PPP1R14C: variants seen among roughly 807,000 people sequenced by gnomAD.
PPP1R14C encodes the protein protein phosphatase 1 regulatory subunit 14C.
A neutral mutation model predicts 20.4 loss-of-function variants in PPP1R14C; 16 were observed. The ratio of observed to expected loss-of-function variants is 0.78; its 90% CI spans 0.53 to 1.19. The LOEUF is 1.19. Among genes scored for constraint, PPP1R14C ranks in the 50% most tolerant of loss-of-function variants. The pLI, the probability that PPP1R14C is intolerant of heterozygous loss-of-function variation, is 0.00. For missense variants in PPP1R14C, 211 were observed against 220.1 expected (o/e 0.96, Z 0.26); for synonymous variants, 91 against 91.0 (o/e 1.00, Z 0.00).
chr6:150,157,201 T>C (rs540081670), intron 1 of PPP1R14C, among the ~76,000 whole-genome samples: 29 of 152,328 alleles, frequency 1.9e-4, no homozygotes, highest in South Asian at 1.4e-3. Flanking sequence ...GTATAAAATA[T>C]TTAGTAAAAT....
chr6:150,171,834 G>C (rs1454570138), intron 1 of PPP1R14C, among the ~76,000 whole-genome samples: 1 of 151,964 alleles, frequency 6.6e-6, no homozygotes, highest in Non-Finnish European at 1.5e-5. Context: ...TTGAGACGGA[G>C]TCTTGCTCTC....
intron 1 of PPP1R14C, among the ~76,000 whole-genome samples, chr6:150,165,064 A>G (rs1777409305): frequency 1.3e-5 from 2 of 152,214 alleles, no homozygotes; most frequent in South Asian, 4.1e-4. Context: ...ATGGTGAGAA[A>G]TATATTTCTG....
intron 1 of PPP1R14C, among the ~76,000 whole-genome samples, chr6:150,149,142 T>G (rs1000400860): frequency 2.0e-5 from 3 of 152,178 alleles, no homozygotes; most frequent in Non-Finnish European, 4.4e-5. Flanking sequence ...ACATTCCCTT[T>G]GGAACAGTGG....
At chr6:150,193,581 C>T (rs1239763988) in intron 1 of PPP1R14C, among the ~76,000 whole-genome samples, 1 of 147,462 alleles carries the variant, frequency 6.8e-6, no homozygotes, top group Non-Finnish European at 1.5e-5. Context: ...TGAGTAAATG[C>T]TGAAGTCCTC....
chr6:150,175,645 A>T (rs140534967), intron 1 of PPP1R14C, among the ~76,000 whole-genome samples: 5 of 152,330 alleles, frequency 3.3e-5, no homozygotes, highest in African/African-American at 1.2e-4. Flanking sequence ...GCCCAGGTAC[A>T]GACGGTGGGT....
chr6:150,144,367 G>A (rs1317449905), intron 1 of PPP1R14C, among the ~76,000 whole-genome samples: 1 of 152,226 alleles, frequency 6.6e-6, no homozygotes, highest in African/African-American at 2.4e-5. Context: ...ATTTGATTTA[G>A]GGAGAAATAT....
At position 150,248,771 on chromosome 6, in the gene PPP1R14C, G is replaced by A. The variant is rs766379125; in HGVS notation, c.449G>A (p.Arg150Gln). The A allele has an allele frequency of 2.4e-5, 39 of 1,612,618 alleles. No individual in the cohort carries two copies. Among genetic ancestry groups the A allele is most frequent in the Admixed American group, 3.3e-5 (2 of 59,968 alleles). ...GAATTTATCAAAGAGCTGCTTTCTC[G>A]GATAAGAGGCATGAGGAAACTGAGC... is the stretch of plus-strand genomic sequence containing the variant. ...TEEFIKELLS[R>Q]IRGMRKLSPP... The change falls in exon 4 of 4, where the codon CGG becomes CAG. Residue 150 changes from arginine to glutamine, a missense_variant. Physicochemically the swap from Arg to Gln is conservative, Grantham distance 43. Transcript: ENST00000361131.
intron 1 of PPP1R14C, among the ~76,000 whole-genome samples, chr6:150,196,718 T>C (rs575461974): frequency 6.6e-6 from 1 of 152,366 alleles, no homozygotes; most frequent in Non-Finnish European, 1.5e-5. Context: ...TCCTTCTCCC[T>C]GTCCATCTGC....
intron 1 of PPP1R14C, among the ~76,000 whole-genome samples, chr6:150,209,741 A>G (rs1777998136): frequency 6.8e-6 from 1 of 146,318 alleles, no homozygotes; most frequent in Non-Finnish European, 1.5e-5. Context: ...GAGTGTGTGT[A>G]TTCGTGTGTG....
Position 150,163,951 on chromosome 6 carries a change from T to C in PPP1R14C, c.306+20453T>C, listed in dbSNP as rs73782228. On this transcript the variant is annotated intron_variant, in intron 1 of 3. Transcript: ENST00000361131. The stretch of plus-strand genomic sequence containing the variant: ...GTATATTCAGCATTGCTAGGTACTG[T>C]CAGATGATTTCTTAAGTAATTGCAC... Among the ~76,000 whole-genome samples the C allele has an allele frequency of 3.3e-3, 503 of 152,332 alleles. 5 individuals are homozygous for C. Among genetic ancestry groups the C allele is most frequent in the African/African-American group, 0.012 (481 of 41,568 alleles).
At position 150,185,436 on chromosome 6, in the gene PPP1R14C, C is replaced by G. The variant is rs899109597; in HGVS notation, c.307-29308C>G. 7.9e-5 allele frequency among the ~76,000 whole-genome samples: 12 copies of G among 152,268 alleles called. No individual in the cohort carries two copies. The highest frequency in any genetic ancestry group is 7.2e-4 in the Admixed American group (11 of 15,290). On this transcript the variant is annotated intron_variant, in intron 1 of 3. Coordinates refer to ENST00000361131, the MANE Select transcript of PPP1R14C (RefSeq NM_030949.3). The surrounding 1 kb of genome is among the most constrained non-coding windows in gnomAD (Gnocchi z 4.1). Reference sequence around the variant, plus strand: ...CTGCTCGTCTTGCCATGGGGACCATCCTTGCATTAACCACAGGAATTTCCA... The same window carrying G: ...CTGCTCGTCTTGCCATGGGGACCATGCTTGCATTAACCACAGGAATTTCCA...
intron 1 of PPP1R14C, among the ~76,000 whole-genome samples, chr6:150,159,912 C>T (rs1777346140): frequency 6.6e-6 from 1 of 152,210 alleles, no homozygotes; most frequent in Admixed American, 6.5e-5. Flanking sequence ...CTTAGACTCC[C>T]TTGGCTAGGC....
intron 1 of PPP1R14C, among the ~76,000 whole-genome samples, chr6:150,184,764 G>T (rs1425582498): frequency 6.6e-6 from 1 of 152,170 alleles, no homozygotes; most frequent in Admixed American, 6.5e-5. Flanking sequence ...GTTTACTGTT[G>T]TGTCCTGGAG....
chr6:150,245,057 G>A (rs147708280), intron 3 of PPP1R14C, among the ~76,000 whole-genome samples: 1 of 152,116 alleles, frequency 6.6e-6, no homozygotes, highest in Non-Finnish European at 1.5e-5. Flanking sequence ...TCAGCAAATG[G>A]CACTATCTTT....
intron 1 of PPP1R14C, among the ~76,000 whole-genome samples, chr6:150,188,572 T>C (rs1582909644): frequency 6.9e-6 from 1 of 145,266 alleles, no homozygotes; most frequent in Admixed American, 7.1e-5. Context: ...CTGCAAGCTC[T>C]GCCTCCTGGG....
intron 3 of PPP1R14C, among the ~76,000 whole-genome samples, chr6:150,235,489 G>T (rs144895369): frequency 0.013 from 1,992 of 152,298 alleles, 56 homozygotes; most frequent in African/African-American, 0.046. Context: ...GCAGTTTATT[G>T]TTCTTAACTT....
At chr6:150,226,636 C>A (rs936042576) in intron 3 of PPP1R14C, among the ~76,000 whole-genome samples, 1 of 152,130 alleles carries the variant, frequency 6.6e-6, no homozygotes, top group African/African-American at 2.4e-5. Context: ...TTAAAAAAAT[C>A]TCTTTTTATA....
Position 150,167,662 on chromosome 6 carries a change from C to T in PPP1R14C, c.306+24164C>T, listed in dbSNP as rs116437072. Among the ~76,000 whole-genome samples the T allele has an allele frequency of 7.6e-3, 1,162 of 152,102 alleles. 12 individuals carry two copies. The highest frequency in any genetic ancestry group is 0.026 in the African/African-American group (1,096 of 41,464). The stretch of plus-strand genomic sequence containing the variant: ...GAGGAGACAGAGCATCTATAAAAAG[C>T]TCGGAAGACCAGAGCTGTCTTATAT... On this transcript the variant is annotated intron_variant, in intron 1 of 3. Coordinates refer to ENST00000361131, the MANE Select transcript of PPP1R14C (RefSeq NM_030949.3).
intron 1 of PPP1R14C, among the ~76,000 whole-genome samples, chr6:150,150,503 G>A (rs897835234): frequency 6.6e-6 from 1 of 152,036 alleles, no homozygotes; most frequent in African/African-American, 2.4e-5. Flanking sequence ...AAACAACCTG[G>A]CAGCCCCTGG....
Sources: gnomAD v4.1 joint callset for allele counts (sites outside exome capture counted in the v4.1 genomes callset) on GRCh38, gnomAD v4.1.1 for gene constraint, Gnocchi (gnomAD v3.1) non-coding constraint, MANE v1.5 for transcripts, NCBI Gene and HGNC (gene_info 2026-07-23, HGNC 2026-07-21) for gene names.